Variants in SLC4A4 observed in about 807,000 individuals in gnomAD.
SLC4A4 encodes solute carrier family 4 member 4, also known as electrogenic sodium bicarbonate cotransporter 1.
In SLC4A4, 27 loss-of-function variants were observed where a neutral mutation model predicts 111.5. The observed-to-expected ratio is 0.24, with a 90% confidence interval of 0.18 to 0.33. SLC4A4 has a LOEUF of 0.33. SLC4A4 is among the 10% of genes least tolerant of loss of function. The probability of loss-of-function intolerance (pLI) is 1.00; values close to 1 mark genes in which losing one functional copy is unlikely to be tolerated. For synonymous variants in SLC4A4, 443 were observed against 463.4 expected (o/e 0.96, Z 0.57); for missense variants, 909 against 1,315.5 (o/e 0.69, Z 4.78).
intron 1 of SLC4A4, among the ~76,000 whole-genome samples, chr4:71,229,523 G>A (rs1193262957): frequency 6.6e-6 from 1 of 152,164 alleles, no homozygotes; most frequent in East Asian, 1.9e-4. Context: ...CTCTCAGTCT[G>A]ATTTTGTGTG....
At chr4:71,150,805 C>T (rs1358875162) in intron 2 of SLC4A4, among the ~76,000 whole-genome samples, 1 of 152,122 alleles carries the variant, frequency 6.6e-6, no homozygotes, top group African/African-American at 2.4e-5. Flanking sequence ...TATGGCCTCC[C>T]TTCCCCTTTC....
chr4:71,455,783 A>C (rs1346174370), intron 12 of SLC4A4, among the ~76,000 whole-genome samples: 1 of 152,170 alleles, frequency 6.6e-6, no homozygotes, highest in Non-Finnish European at 1.5e-5. Flanking sequence ...TTGCAACCTC[A>C]TAAGACTTGG....
At chr4:71,451,719 G>A (rs1386510598) in intron 11 of SLC4A4, among the ~76,000 whole-genome samples, 1 of 152,032 alleles carries the variant, frequency 6.6e-6, no homozygotes, top group East Asian at 1.9e-4. Flanking sequence ...GGGGTGGGCT[G>A]CAACAGAGTG....
chr4:71,107,803 G>A (rs1458854049), intron 2 of SLC4A4, among the ~76,000 whole-genome samples: 1 of 151,554 alleles, frequency 6.6e-6, no homozygotes, highest in Non-Finnish European at 1.5e-5. Flanking sequence ...AAACTCCTGT[G>A]CTTAAGCAAT....
At chr4:71,188,221 T>C (rs966708105) in intron 1 of SLC4A4, among the ~76,000 whole-genome samples, 1 of 152,200 alleles carries the variant, frequency 6.6e-6, no homozygotes, top group African/African-American at 2.4e-5. Context: ...AAAGTTCTTA[T>C]AGAACAAAAA....
At chr4:71,270,717 C>T (rs867339242) in intron 3 of SLC4A4, among the ~76,000 whole-genome samples, 25 of 152,328 alleles carry the variant, frequency 1.6e-4, no homozygotes, top group South Asian at 6.2e-4. Context: ...GATGTATCCA[C>T]TGTCCTTAGT....
chr4:71,115,113 C>T, intron 2 of SLC4A4, among the ~76,000 whole-genome samples: 1 of 147,996 alleles, frequency 6.8e-6, no homozygotes, highest in East Asian at 2.0e-4. Flanking sequence ...GCATATTCTC[C>T]CTCATAGGTG....
chr4:71,398,284 CAAAAAAA>C (rs34473877), intron 7 of SLC4A4, among the ~76,000 whole-genome samples: 1 of 78,432 alleles, frequency 1.3e-5, no homozygotes. Flanking sequence ...GACTTTGTCT[CAAAAAAA>C]AAAAAAAAAA....
At chr4:71,336,251 G>A (rs1728426263) in intron 3 of SLC4A4, among the ~76,000 whole-genome samples, 1 of 152,172 alleles carries the variant, frequency 6.6e-6, no homozygotes, top group Non-Finnish European at 1.5e-5. Context: ...GCCTGTATAT[G>A]TAGAAGTCCT....
intron 16 of SLC4A4, among the ~76,000 whole-genome samples, chr4:71,499,644 G>C (rs4555599): frequency 1.4e-4 from 22 of 152,084 alleles, no homozygotes; most frequent in Non-Finnish European, 2.8e-4. Context: ...TGACATTTTA[G>C]GTTTCACGTG....
intron 15 of SLC4A4, 36 bp downstream of exon 15, chr4:71,487,054 G>T: frequency 8.3e-7 from 1 of 1,203,736 alleles, no homozygotes; most frequent in South Asian, 1.2e-5. Flanking sequence ...CCTTCATACT[G>T]ACTGCATATT....
chr4:71,565,228 C>T (rs572846386), intron 24 of SLC4A4, among the ~76,000 whole-genome samples: 2 of 152,004 alleles, frequency 1.3e-5, no homozygotes, highest in African/African-American at 4.8e-5. Context: ...GAGGATATTT[C>T]CTGTCATAGC....
intron 1 of SLC4A4, among the ~76,000 whole-genome samples, chr4:71,088,894 C>T (rs1742283166): frequency 6.6e-6 from 1 of 151,942 alleles, no homozygotes; most frequent in South Asian, 2.1e-4. Flanking sequence ...TGGAGTTGCT[C>T]TTCTTGAGGA....
chr4:71,268,075 G>GTATTTTTTT (rs1722422390), intron 3 of SLC4A4, among the ~76,000 whole-genome samples: 1 of 87,586 alleles, frequency 1.1e-5, no homozygotes, highest in Non-Finnish European at 2.0e-5. Flanking sequence ...ATAAAGTAGT[G>GTATTTTTTT]TTTTTTTTTT....
chr4:71,116,970 ATTGT>A (rs1743285206), intron 2 of SLC4A4, among the ~76,000 whole-genome samples: 1 of 151,866 alleles, frequency 6.6e-6, no homozygotes, highest in African/African-American at 2.4e-5. Flanking sequence ...GCTTGTAAAA[ATTGT>A]TTATTTATTT....
chr4:71,253,023 C>T (rs114411477), intron 2 of SLC4A4, among the ~76,000 whole-genome samples: 2,607 of 152,184 alleles, frequency 0.017, 62 homozygotes, highest in African/African-American at 0.055. Flanking sequence ...TCTGAACGCT[C>T]CCACACCTGT....
chr4:71,534,429 C>A, intron 18 of SLC4A4, 41 bp downstream of exon 18: 1 of 1,584,302 alleles, frequency 6.3e-7, no homozygotes, highest in Non-Finnish European at 8.7e-7. Context: ...CTTCTACTTT[C>A]TTTTTAGTAC....
intron 2 of SLC4A4, among the ~76,000 whole-genome samples, chr4:71,175,253 C>A (rs1745054438): frequency 6.6e-6 from 1 of 152,346 alleles, no homozygotes; most frequent in African/African-American, 2.4e-5. Context: ...CAGTCTACAG[C>A]TTCCAGCATG....
chr4:71,142,704 A>G (rs1417236405), intron 2 of SLC4A4, among the ~76,000 whole-genome samples: 2 of 149,958 alleles, frequency 1.3e-5, no homozygotes, highest in African/African-American at 4.9e-5. Flanking sequence ...AGTTGAAAAT[A>G]TAGTAGAGTG....
Sources: gnomAD v4.1 joint callset for allele counts (sites outside exome capture counted in the v4.1 genomes callset) on GRCh38, gnomAD v4.1.1 for gene constraint, MANE v1.5 for transcripts, NCBI Gene and HGNC (gene_info 2026-07-23, HGNC 2026-07-21) for gene names.